Variants in PLCL2 observed in about 807,000 individuals in gnomAD.
The protein encoded by PLCL2 is inactive phospholipase C-like protein 2.
A neutral mutation model predicts 79.6 loss-of-function variants in PLCL2; 4 were observed. The ratio of observed to expected loss-of-function variants is 0.05; its 90% CI spans 0.02 to 0.11. The LOEUF (loss-of-function observed/expected upper bound fraction) is 0.11, where lower values mean the gene tolerates loss of function less well. Ranked by LOEUF, PLCL2 falls within the 10% of genes least tolerant of loss-of-function variation. The pLI, the probability that PLCL2 is intolerant of heterozygous loss-of-function variation, is 1.00. For synonymous variants in PLCL2, 484 were observed against 457.7 expected (o/e 1.06, Z -0.73); for missense variants, 895 against 1,291.0 (o/e 0.69, Z 4.70).
At chr3:17,059,579 T>C (rs1012567126) in intron 4 of PLCL2, among the ~76,000 whole-genome samples, 26 of 151,888 alleles carry the variant, frequency 1.7e-4, no homozygotes, top group African/African-American at 6.0e-4. Flanking sequence ...TACATGCATA[T>C]ATAGATATAT....
At chr3:17,029,289 C>G (rs2064554468) in intron 3 of PLCL2, among the ~76,000 whole-genome samples, 1 of 151,574 alleles carries the variant, frequency 6.6e-6, no homozygotes, top group Admixed American at 6.6e-5. Flanking sequence ...CAGCTTTTAT[C>G]AGAGGATCCT....
chr3:16,915,139 A>C (rs1696963536), intron 1 of PLCL2, among the ~76,000 whole-genome samples: 1 of 152,256 alleles, frequency 6.6e-6, no homozygotes, highest in Non-Finnish European at 1.5e-5. Context: ...AAATCAATTA[A>C]AACATATCTT....
intron 5 of PLCL2, among the ~76,000 whole-genome samples, chr3:17,073,714 G>T (rs1013540968): frequency 6.6e-6 from 1 of 152,156 alleles, no homozygotes. Context: ...TGTAATTACA[G>T]CAATGTTCAC....
intron 1 of PLCL2, among the ~76,000 whole-genome samples, chr3:16,885,632 G>C (rs770080168): frequency 6.6e-6 from 1 of 152,242 alleles, no homozygotes; most frequent in Non-Finnish European, 1.5e-5. Flanking sequence ...TCTGGCATTA[G>C]GGCCTTGTAC....
At chr3:17,073,657 G>A (rs1334285385) in intron 5 of PLCL2, among the ~76,000 whole-genome samples, 5 of 152,072 alleles carry the variant, frequency 3.3e-5, no homozygotes, top group Non-Finnish European at 5.9e-5. Context: ...CTCAAACCCC[G>A]CCATTCCTTT....
At position 17,074,700 on chromosome 3, in the gene PLCL2, C is replaced by T. The variant is rs561460493; in HGVS notation, c.3204+6635C>T. 2.8e-3 allele frequency among the ~76,000 whole-genome samples: 429 copies of T among 152,356 alleles called. 1 individual carries two copies. Among genetic ancestry groups the T allele is most frequent in the Middle Eastern group, 0.017 (5 of 294 alleles). On this transcript the variant is annotated intron_variant, in intron 5 of 5. Transcript: ENST00000615277. ...GCTAAATCTTCTGGGTAACTCACTGCACCTTCTACATCAGCACTTGCTGCT... is the reference window on the plus strand; with the variant it reads ...GCTAAATCTTCTGGGTAACTCACTGTACCTTCTACATCAGCACTTGCTGCT...
intron 1 of PLCL2, among the ~76,000 whole-genome samples, chr3:16,909,333 G>A (rs942601815): frequency 6.6e-6 from 1 of 152,130 alleles, no homozygotes; most frequent in Non-Finnish European, 1.5e-5. Flanking sequence ...TGAGCAGATT[G>A]CATATCTTCT....
chr3:17,012,878 A>G (rs1375059483), intron 2 of PLCL2, among the ~76,000 whole-genome samples: 3 of 152,194 alleles, frequency 2.0e-5, no homozygotes, highest in Non-Finnish European at 4.4e-5. Flanking sequence ...AACCTGTCAT[A>G]GTGTGTGAGA....
At chr3:17,068,201 G>C in intron 5 of PLCL2, 136 bp downstream of exon 5, 3 of 591,978 alleles carry the variant, frequency 5.1e-6, no homozygotes, top group Non-Finnish European at 9.1e-6. Context: ...ATCACATGAA[G>C]AACTCTGCCC....
intron 4 of PLCL2, among the ~76,000 whole-genome samples, chr3:17,050,569 C>G (rs1029008284): frequency 6.6e-5 from 10 of 152,082 alleles, no homozygotes; most frequent in Non-Finnish European, 4.4e-5. Context: ...GATCCTCAGA[C>G]AAATGCAAAT....
chr3:16,946,168 G>A (rs1180372870), intron 1 of PLCL2, among the ~76,000 whole-genome samples: 1 of 152,108 alleles, frequency 6.6e-6, no homozygotes, highest in Non-Finnish European at 1.5e-5. Context: ...TTGGAAATGG[G>A]AAGGATTTGG....
chr3:16,993,694 A>G (rs1383967447), intron 1 of PLCL2, among the ~76,000 whole-genome samples: 1 of 152,234 alleles, frequency 6.6e-6, no homozygotes, highest in Non-Finnish European at 1.5e-5. Context: ...TGGCATTTTA[A>G]GCTTGCATTA....
chr3:16,951,046 A>G (rs1379947421), intron 1 of PLCL2, among the ~76,000 whole-genome samples: 1 of 152,130 alleles, frequency 6.6e-6, no homozygotes, highest in Non-Finnish European at 1.5e-5. Flanking sequence ...ACCCCAAATA[A>G]TGATTCTGTC....
At chr3:17,050,247 G>A (rs2064825771) in intron 4 of PLCL2, among the ~76,000 whole-genome samples, 1 of 152,144 alleles carries the variant, frequency 6.6e-6, no homozygotes, top group South Asian at 2.1e-4. Context: ...AAACTTTCCA[G>A]GCATTGGATT....
At chr3:17,081,242 T>G in intron 5 of PLCL2, 1 of 456,754 alleles carries the variant, frequency 2.2e-6, no homozygotes, top group South Asian at 1.5e-5. Flanking sequence ...CATAATGGTA[T>G]GAGTACCCTC....
At chr3:16,892,160 G>A (rs1008012484) in intron 1 of PLCL2, among the ~76,000 whole-genome samples, 48 of 152,218 alleles carry the variant, frequency 3.2e-4, no homozygotes, top group African/African-American at 1.1e-3. Flanking sequence ...ACTCCAACTG[G>A]TTTTGATTGG....
At chr3:17,053,719 C>T (rs906581430) in intron 4 of PLCL2, among the ~76,000 whole-genome samples, 4 of 152,072 alleles carry the variant, frequency 2.6e-5, no homozygotes, top group Admixed American at 2.0e-4. Context: ...TAAATAATCC[C>T]GTTTCGAAAG....
intron 4 of PLCL2, among the ~76,000 whole-genome samples, chr3:17,047,052 C>T (rs1260150301): frequency 3.3e-5 from 5 of 152,082 alleles, no homozygotes; most frequent in Non-Finnish European, 7.4e-5. Flanking sequence ...AACATAAATA[C>T]TAAGGAAGGG....
At chr3:17,029,052 T>TGGC (rs1244774913) in intron 3 of PLCL2, among the ~76,000 whole-genome samples, 1 of 151,892 alleles carries the variant, frequency 6.6e-6, no homozygotes, top group East Asian at 1.9e-4. Context: ...GAGGGTAGAG[T>TGGC]GGCTGCTCTT....
Sources: allele counts gnomAD v4.1 joint callset (sites outside exome capture counted in the v4.1 genomes callset), GRCh38; gene constraint gnomAD v4.1.1; transcripts MANE v1.5; gene names NCBI Gene and HGNC (gene_info 2026-07-23, HGNC 2026-07-21).